Variants in DGKB observed in about 807,000 individuals in gnomAD.
DGKB encodes 90 kDa diacylglycerol kinase.
DGKB carries 67 observed loss-of-function variants against 114.3 expected under a neutral mutation model. The observed-to-expected ratio is 0.59, with a 90% CI of 0.48 to 0.72. The LOEUF is 0.72. Among genes scored for constraint, DGKB ranks in the 30% least tolerant of loss-of-function variants. The pLI is 0.00. For synonymous variants in DGKB, 398 were observed against 323.1 expected (o/e 1.23, Z -2.49); for missense variants, 907 against 975.2 (o/e 0.93, Z 0.93).
intron 25 of DGKB, among the ~76,000 whole-genome samples, chr7:14,174,023 C>T (rs929629799): frequency 2.6e-5 from 4 of 152,122 alleles, no homozygotes; most frequent in Non-Finnish European, 4.4e-5. Context: ...GTTAAACAAG[C>T]TTAAATTATT....
chr7:14,160,111 G>GTCTT (rs1177260435), intron 25 of DGKB, among the ~76,000 whole-genome samples: 2 of 152,032 alleles, frequency 1.3e-5, no homozygotes, highest in Non-Finnish European at 2.9e-5. Flanking sequence ...TCTATCAAAA[G>GTCTT]TCTTTGAGTT....
At chr7:14,532,874 G>C (rs1791829969) in intron 20 of DGKB, among the ~76,000 whole-genome samples, 1 of 151,568 alleles carries the variant, frequency 6.6e-6, no homozygotes, top group South Asian at 2.1e-4. Flanking sequence ...AATATATTAG[G>C]CAATTAAAAT....
At chr7:14,773,767 C>T (rs2128475736) in intron 2 of DGKB, among the ~76,000 whole-genome samples, 1 of 152,196 alleles carries the variant, frequency 6.6e-6, no homozygotes, top group African/African-American at 2.4e-5. Flanking sequence ...ATCACCAGGA[C>T]ATGTAGATGG....
chr7:14,713,438 C>T (rs1204620593), intron 6 of DGKB, among the ~76,000 whole-genome samples: 1 of 151,702 alleles, frequency 6.6e-6, no homozygotes, highest in Non-Finnish European at 1.5e-5. Context: ...TGAAAAAAAT[C>T]AGCTGCTTAG....
intron 13 of DGKB, among the ~76,000 whole-genome samples, chr7:14,634,696 C>T (rs1309345073): frequency 1.3e-5 from 2 of 151,516 alleles, no homozygotes; most frequent in African/African-American, 4.8e-5. Flanking sequence ...TAAAATGACA[C>T]TTTGTCTTAG....
intron 2 of DGKB, among the ~76,000 whole-genome samples, chr7:14,783,251 G>C (rs570687024): frequency 6.6e-6 from 1 of 152,208 alleles, no homozygotes; most frequent in South Asian, 2.1e-4. Flanking sequence ...CACATCTACA[G>C]GATATGGTTA....
intron 12 of DGKB, among the ~76,000 whole-genome samples, chr7:14,679,995 T>A (rs547650815): frequency 6.6e-6 from 1 of 152,004 alleles, no homozygotes; most frequent in Non-Finnish European, 1.5e-5. Flanking sequence ...GGATATATGA[T>A]AACTTTTTAA....
At chr7:14,849,831 C>A (rs552842405) in intron 1 of DGKB, among the ~76,000 whole-genome samples, 1 of 152,176 alleles carries the variant, frequency 6.6e-6, no homozygotes, top group East Asian at 1.9e-4. Context: ...TCTCAAGAGG[C>A]ACAGAGCCTC....
intron 1 of DGKB, among the ~76,000 whole-genome samples, chr7:14,939,488 T>C (rs921666224): frequency 1.2e-4 from 19 of 152,244 alleles, no homozygotes; most frequent in Middle Eastern, 3.4e-3. Context: ...CTCTTGGAAA[T>C]TGAGCACTCT....
intron 2 of DGKB, among the ~76,000 whole-genome samples, chr7:14,766,233 A>C (rs73276010): frequency 0.019 from 2,852 of 152,106 alleles, 65 homozygotes; most frequent in African/African-American, 0.06. Context: ...AAATATGCCT[A>C]ATCCTATAGT....
intron 1 of DGKB, among the ~76,000 whole-genome samples, chr7:14,920,124 A>G (rs1784442668): frequency 6.6e-6 from 1 of 152,226 alleles, no homozygotes; most frequent in Admixed American, 6.5e-5. Flanking sequence ...ATACACTGCC[A>G]AAAGTGAAAT....
chr7:14,789,607 A>T (rs550935043), intron 2 of DGKB, among the ~76,000 whole-genome samples: 55 of 152,182 alleles, frequency 3.6e-4, no homozygotes, highest in Middle Eastern at 6.8e-3. Flanking sequence ...CTGTCTCATT[A>T]AAAAAGACAC....
chr7:14,563,208 T>A (rs191189064), intron 20 of DGKB, among the ~76,000 whole-genome samples: 188 of 152,276 alleles, frequency 1.2e-3, no homozygotes, highest in Middle Eastern at 3.4e-3. Context: ...AAACTGTGAG[T>A]CCACTAAACC....
chr7:14,549,170 G>A (rs1794750073), intron 20 of DGKB, among the ~76,000 whole-genome samples: 1 of 152,116 alleles, frequency 6.6e-6, no homozygotes, highest in African/African-American at 2.4e-5. Flanking sequence ...GCCCAAGGAA[G>A]TAAGAAAAAC....
intron 17 of DGKB, among the ~76,000 whole-genome samples, chr7:14,601,936 C>G (rs1253379016): frequency 6.6e-6 from 1 of 151,638 alleles, no homozygotes; most frequent in East Asian, 1.9e-4. Context: ...CTTCTTCTAT[C>G]CCCCACCTCT....
chr7:14,875,700 C>G (rs1221585897), intron 1 of DGKB, among the ~76,000 whole-genome samples: 1 of 152,172 alleles, frequency 6.6e-6, no homozygotes, highest in Non-Finnish European at 1.5e-5. Flanking sequence ...TCCCAGTGAA[C>G]AGATTAGGAT....
chr7:14,197,060 T>C (rs952492205), intron 23 of DGKB, among the ~76,000 whole-genome samples: 3 of 152,048 alleles, frequency 2.0e-5, no homozygotes, highest in African/African-American at 7.2e-5. Flanking sequence ...ATGCAAACTT[T>C]CAGATTTTCA....
At chr7:14,167,364 C>G (rs960123392) in intron 25 of DGKB, among the ~76,000 whole-genome samples, 1 of 152,066 alleles carries the variant, frequency 6.6e-6, no homozygotes. Flanking sequence ...AGTCCTACTC[C>G]TTTTTTCTCT....
chr7:14,686,810 C>T (rs1405277952), intron 9 of DGKB, among the ~76,000 whole-genome samples: 2 of 151,990 alleles, frequency 1.3e-5, no homozygotes, highest in Non-Finnish European at 2.9e-5. Context: ...TCTTGAATTT[C>T]TTCATGTTTT....
Sources: gnomAD v4.1 joint callset for allele counts (sites outside exome capture counted in the v4.1 genomes callset) on GRCh38, gnomAD v4.1.1 for gene constraint, MANE v1.5 for transcripts, NCBI Gene and HGNC (gene_info 2026-07-23, HGNC 2026-07-21) for gene names.